RGS7: variants seen among roughly 807,000 people sequenced by gnomAD.
RGS7 encodes regulator of G protein signaling 7.
RGS7 carries 27 observed loss-of-function variants against 81.1 expected under a neutral mutation model. The observed-to-expected ratio is 0.33, with a 90% confidence interval of 0.25 to 0.46. The LOEUF (loss-of-function observed/expected upper bound fraction) is 0.46. Ranked by LOEUF, RGS7 falls within the 20% of genes least tolerant of loss-of-function variation. The pLI, the probability that RGS7 is intolerant of heterozygous loss-of-function variation, is 1.00. For synonymous variants in RGS7, 208 were observed against 207.7 expected, an observed-to-expected ratio of 1.00 and a Z score of -0.01; for missense variants, 396 against 607.4, an observed-to-expected ratio of 0.65 and a Z score of 3.66.
At chr1:240,886,471 C>T (rs1253732931) in intron 6 of RGS7, among the ~76,000 whole-genome samples, 3 of 152,176 alleles carry the variant, frequency 2.0e-5, no homozygotes, top group Non-Finnish European at 2.9e-5. Flanking sequence ...TGGCATCTTG[C>T]TTAATAAAAT....
intron 2 of RGS7, among the ~76,000 whole-genome samples, chr1:241,221,734 A>G (rs1176224290): frequency 6.6e-6 from 1 of 152,184 alleles, no homozygotes; most frequent in East Asian, 1.9e-4. Context: ...ACCACCCCCA[A>G]CTGAAAAAAG....
intron 18 of RGS7, among the ~76,000 whole-genome samples, chr1:240,794,558 T>C (rs1384526453): frequency 6.6e-6 from 1 of 152,208 alleles, no homozygotes; most frequent in Non-Finnish European, 1.5e-5. Context: ...CAAAATAGCC[T>C]ATTTACACTA....
At chr1:241,124,938 T>C (rs964388501) in intron 2 of RGS7, among the ~76,000 whole-genome samples, 5 of 152,204 alleles carry the variant, frequency 3.3e-5, no homozygotes, top group Admixed American at 6.5e-5. Flanking sequence ...TATACAGAAG[T>C]GTGAGGCCTC....
intron 1 of RGS7, 88 bp from the exon 2 acceptor site, chr1:241,355,914 G>A (rs1024744520): frequency 1.3e-5 from 10 of 751,240 alleles, no homozygotes; most frequent in Middle Eastern, 3.1e-4. Context: ...CCCACATGGC[G>A]CGTTCTTACA....
At chr1:240,857,676 A>C (rs1416893553) in intron 9 of RGS7, among the ~76,000 whole-genome samples, 1 of 152,130 alleles carries the variant, frequency 6.6e-6, no homozygotes, top group African/African-American at 2.4e-5. Flanking sequence ...CGATGCATTT[A>C]AAGTCCTTCC....
rs954472606 is a variant in RGS7 at position 241,078,297 on chromosome 1, GTC to G, written c.175+20367_175+20368del. On this transcript the variant is annotated intron_variant, in intron 3 of 18. Transcript: ENST00000440928. ...ATTTTTCCTGTGATATGTGCTTCTG[GTC>G]TCTGTGTGTGTGTGTGTGTGTGTGT... 1.7e-4 allele frequency among the ~76,000 whole-genome samples: 22 copies of G among 128,308 alleles called. No individual in the cohort carries two copies. The East Asian group carries it at 2.8e-3, about 16-fold the overall frequency. 84.2% of individuals were successfully genotyped at this position (128,308 alleles called of 152,430 possible).
At chr1:241,074,092 G>A (rs941335502) in intron 3 of RGS7, among the ~76,000 whole-genome samples, 6 of 151,998 alleles carry the variant, frequency 3.9e-5, no homozygotes, top group African/African-American at 1.4e-4. Context: ...GTAGAGATGG[G>A]GTTTTGCCAT....
chr1:241,113,090 C>T (rs191858991), intron 2 of RGS7, among the ~76,000 whole-genome samples: 140 of 152,220 alleles, frequency 9.2e-4, no homozygotes, highest in Non-Finnish European at 1.7e-3. Flanking sequence ...AAAGTAGGTC[C>T]AAGCCTTGGC....
chr1:241,133,957 A>C (rs749570593), intron 2 of RGS7, among the ~76,000 whole-genome samples: 1 of 152,162 alleles, frequency 6.6e-6, no homozygotes, highest in Non-Finnish European at 1.5e-5. Context: ...AGAGAGAGAA[A>C]GGGAGACAGA....
chr1:240,836,968 C>T (rs1348567174), intron 9 of RGS7, among the ~76,000 whole-genome samples: 2 of 152,228 alleles, frequency 1.3e-5, no homozygotes, highest in African/African-American at 2.4e-5. Context: ...ACTATCTGTG[C>T]ATCCTTCAAT....
chr1:241,060,584 G>C (rs2061691118), intron 3 of RGS7, among the ~76,000 whole-genome samples: 1 of 152,074 alleles, frequency 6.6e-6, no homozygotes, highest in South Asian at 2.1e-4. Context: ...GGAAGCAACT[G>C]ACTTCTTGAT....
intron 2 of RGS7, among the ~76,000 whole-genome samples, chr1:241,147,067 CATTT>C (rs1182420142): frequency 6.6e-6 from 1 of 151,906 alleles, no homozygotes; most frequent in African/African-American, 2.4e-5. Context: ...TCTGTGTGCA[CATTT>C]ATTTCACACT....
intron 3 of RGS7, among the ~76,000 whole-genome samples, chr1:241,036,041 C>T (rs962755711): frequency 6.6e-6 from 1 of 152,156 alleles, no homozygotes; most frequent in Non-Finnish European, 1.5e-5. Context: ...TCAAAGTACC[C>T]AGCCCACTCC....
intron 3 of RGS7, among the ~76,000 whole-genome samples, chr1:241,085,425 C>CTATT (rs1397707861): frequency 2.6e-5 from 4 of 151,330 alleles, no homozygotes; most frequent in Non-Finnish European, 5.9e-5. Flanking sequence ...CTCTCACACT[C>CTATT]TATTTATTTA....
At chr1:240,804,920 G>A (rs1161459687) in intron 15 of RGS7, among the ~76,000 whole-genome samples, 1 of 152,188 alleles carries the variant, frequency 6.6e-6, no homozygotes, top group African/African-American at 2.4e-5. Context: ...ATAGAGAGTG[G>A]AAATAAGGAA....
intron 2 of RGS7, among the ~76,000 whole-genome samples, chr1:241,211,489 T>A (rs191655462): frequency 6.6e-6 from 1 of 152,092 alleles, no homozygotes; most frequent in African/African-American, 2.4e-5. Context: ...CACGAGGTGG[T>A]GGGACAAAAG....
intron 14 of RGS7, among the ~76,000 whole-genome samples, chr1:240,808,655 T>C (rs1689298388): frequency 6.6e-6 from 1 of 152,190 alleles, no homozygotes; most frequent in Middle Eastern, 3.2e-3. Context: ...TCACACGGTC[T>C]TTCTAACAGC....
intron 6 of RGS7, among the ~76,000 whole-genome samples, chr1:240,928,599 T>TC (rs1430555813): frequency 6.6e-6 from 1 of 151,408 alleles, no homozygotes; most frequent in African/African-American, 2.4e-5. Flanking sequence ...TTTATTTTCT[T>TC]TATAATTTTT....
chr1:241,202,011 G>GACACACAC lies in RGS7; in HGVS notation c.79-103257_79-103250dup, dbSNP rs60399497. 5.6e-3 allele frequency among the ~76,000 whole-genome samples: 809 copies of GACACACAC among 145,048 alleles called. 10 individuals are homozygous for GACACACAC. Among genetic ancestry groups the GACACACAC allele is most frequent in the Middle Eastern group, 0.021 (6 of 290 alleles). On this transcript the variant is annotated intron_variant, in intron 2 of 18. Coordinates refer to ENST00000440928, the MANE Select transcript of RGS7 (RefSeq NM_001364886.1). The stretch of plus-strand genomic sequence containing the variant: ...CCCTGCAAACACACAGACACACACA[G>GACACACAC]ACACACACACACACACACACACACA...
Sources: allele counts gnomAD v4.1 joint callset (sites outside exome capture counted in the v4.1 genomes callset), GRCh38; gene constraint gnomAD v4.1.1; transcripts MANE v1.5; gene names NCBI Gene and HGNC (gene_info 2026-07-23, HGNC 2026-07-21).